The following PTK6 variants were observed in gnomAD, a reference collection of about 807,000 sequenced individuals.
The protein encoded by PTK6 is protein tyrosine kinase 6, also known as protein-tyrosine kinase 6.
Under a neutral mutation model 47.5 loss-of-function variants are expected in PTK6, and 47 were observed. That is an observed-to-expected ratio of 0.99 (90% CI 0.78 to 1.26). PTK6 has a LOEUF of 1.26. Among genes scored for constraint, PTK6 ranks in the 50% most tolerant of loss-of-function variants. PTK6 has a pLI of 0.00. For synonymous variants in PTK6, 287 were observed against 276.5 expected (o/e 1.04, Z -0.38); for missense variants, 618 against 625.3 (o/e 0.99, Z 0.12).
rs1231461563 is a variant in PTK6 at position 63,533,128 on chromosome 20, C to T, written c.670+423G>A. ...TGTCGCCCAGGCTGGAGTGCAATGGCGCGATCTCAGCTCACTGCAATCTCC... is the reference window on the plus strand; with the variant it reads ...TGTCGCCCAGGCTGGAGTGCAATGGTGCGATCTCAGCTCACTGCAATCTCC... On this transcript the variant is annotated intron_variant, in intron 4 of 7. Transcript: ENST00000542869. This position sits in a 1 kb window ranked among gnomAD's most constrained non-coding sequence, Gnocchi z 4.0. 7.9e-5 allele frequency among the ~76,000 whole-genome samples: 12 copies of T among 151,154 alleles called. No individual in the cohort carries two copies. The highest frequency in any genetic ancestry group is 2.6e-4 in the Admixed American group (4 of 15,182).
In PTK6 at chr20:63,530,883, C is replaced by A. The variant is rs751512181; in HGVS notation, c.877G>T (p.Ala293Ser). 2.5e-6 allele frequency: 4 copies of A among 1,613,478 alleles called. No individual in the cohort carries two copies. The highest frequency in any genetic ancestry group is 3.4e-6 in the Non-Finnish European group (4 of 1,179,844). The change falls in exon 6 of 8, where the codon GCC becomes TCC. Residue 293 changes from alanine (A) to serine (S), a missense_variant. By Grantham distance (99) the Ala-to-Ser change is moderately conservative (BLOSUM62 1). Transcript: ENST00000542869. This position sits in a 1 kb window ranked among gnomAD's most constrained non-coding sequence, Gnocchi z 4.1. ...VLPVSELLDI[A>S]WQVAEGMCYL... is the part of the protein sequence containing the mutation. ...CACATGCCCTCAGCCACCTGCCAGG[C>A]GATGTCCAGCAGCTCCGAAACGGGC...
chr20:63,531,432 AAAAAAATAT>A lies in PTK6; in HGVS notation c.833-514_833-506del, dbSNP rs1462605434. 7.9e-3 allele frequency among the ~76,000 whole-genome samples: 917 copies of A among 116,724 alleles called. 9 individuals carry two copies. Among genetic ancestry groups the A allele is most frequent in the African/African-American group, 0.034 (733 of 21,614 alleles). 76.6% of individuals were successfully genotyped at this position (116,724 alleles called of 152,430 possible). A position where few individuals can be genotyped will look rare whatever the true frequency, so the allele number is the denominator to read the frequency against. On this transcript the variant is annotated intron_variant, in intron 5 of 7. Coordinates refer to ENST00000542869, the MANE Select transcript of PTK6 (RefSeq NM_005975.4). ...CCAGACTCCGTCTCAAAAAAAAAAAAAAAAAATATATATATATATATATATATATATAAT... is the reference window on the plus strand; with the variant it reads ...CCAGACTCCGTCTCAAAAAAAAAAAAATATATATATATATATATATATAAT...
chr20:63,536,245 C>A (rs2082666662), intron 1 of PTK6, among the ~76,000 whole-genome samples: 1 of 126,200 alleles, frequency 7.9e-6, no homozygotes, highest in South Asian at 2.9e-4. Flanking sequence ...GGTCTTTGCA[C>A]CTGGGAGCTG....
At chr20:63,534,095 C>A (rs1044812986) in intron 3 of PTK6, 57 bp downstream of exon 3, 1 of 1,478,164 alleles carries the variant, frequency 6.8e-7, no homozygotes. Context: ...GTAGGAAATG[C>A]CAGCCTGTGA....
rs186986345 is a variant in PTK6, at chr20:63,529,260, C to T, written c.*276G>A. 2.6e-3 allele frequency: 873 copies of T among 338,444 alleles called. 8 individuals are homozygous for T. In the Middle Eastern group the frequency reaches 0.032, roughly 12 times the overall value. 21.0% of individuals were successfully genotyped at this position (338,444 alleles called of 1,614,324 possible). On this transcript the variant is annotated 3_prime_UTR_variant, in exon 8 of 8. Transcript: ENST00000542869. This position sits in a 1 kb window ranked among gnomAD's most constrained non-coding sequence, Gnocchi z 5.6. The stretch of plus-strand genomic sequence containing the variant: ...AGAGAGCGGGCTGTGGTCAGAGTCC[C>T]CTCTGACCTCTGCTGGCTTCGTGTC...
chr20:63,534,378 C>T, intron 2 of PTK6, 63 bp from the exon 3 acceptor site: 5 of 1,498,254 alleles, frequency 3.3e-6, no homozygotes, highest in Non-Finnish European at 3.6e-6. Flanking sequence ...CGTCCCCAGC[C>T]CTGCTGGCCA....
Position 63,529,760 on chromosome 20 carries a change from C to A in PTK6, c.1169-37G>T. On this transcript the variant is annotated intron_variant, in intron 7 of 7. Coordinates refer to ENST00000542869, the MANE Select transcript of PTK6 (RefSeq NM_005975.4). The surrounding 1 kb of genome is among the most constrained non-coding windows in gnomAD (Gnocchi z 5.6). The stretch of plus-strand genomic sequence containing the variant: ...AGGGATGAGAAGAGCTGGGGCCCAC[C>A]TGCCTACCCTCCCCCAAGAAGCCAC... 1 of 1,501,648 alleles carries A rather than the reference C, an allele frequency of 6.7e-7. No individual in the cohort carries two copies. Among genetic ancestry groups the A allele is most frequent in the Non-Finnish European group, 8.9e-7 (1 of 1,123,066 alleles). 93.0% of individuals were successfully genotyped at this position (1,501,648 alleles called of 1,614,324 possible).
intron 1 of PTK6, 142 bp from the exon 2 acceptor site, chr20:63,535,201 G>C (rs1042319524): frequency 1.6e-6 from 2 of 1,246,934 alleles, no homozygotes; most frequent in Non-Finnish European, 2.1e-6. Flanking sequence ...CTGCTCTCAG[G>C]AGCTGTCGCT....
chr20:63,533,882 A>G lies in PTK6; in HGVS notation c.517-178T>C, dbSNP rs1408591875. On this transcript the variant is annotated intron_variant, in intron 3 of 7. Coordinates refer to ENST00000542869, the MANE Select transcript of PTK6 (RefSeq NM_005975.4). This position sits in a 1 kb window ranked among gnomAD's most constrained non-coding sequence, Gnocchi z 4.0. The stretch of plus-strand genomic sequence containing the variant: ...TCCTGGGGGCTGCCCCCAGCCCAGC[A>G]TGAAACACCCAGACAGACCGGAGCC... Among the ~76,000 whole-genome samples the G allele has an allele frequency of 1.3e-5, 2 of 152,068 alleles. No individual in the cohort carries two copies. Among genetic ancestry groups the G allele is most frequent in the African/African-American group, 4.8e-5 (2 of 41,414 alleles).
Position 63,528,171 on chromosome 20 carries a change from C to T in PTK6, c.*1365G>A, listed in dbSNP as rs1253802044. The T allele has an allele frequency of 2.0e-5, 3 of 152,140 alleles. No homozygotes were observed. The highest frequency in any genetic ancestry group is 2.9e-5 in the Non-Finnish European group (2 of 68,026). The allele number at this position is 152,140 out of a possible 1,614,324, so 9.4% of individuals were successfully genotyped here. On this transcript the variant is annotated 3_prime_UTR_variant, in exon 8 of 8. Transcript: ENST00000542869. ...GGATATATATCATAGGATAACGTATCAGATTTCTAGGAATTTTATAGAGTT... is the reference window on the plus strand; with the variant it reads ...GGATATATATCATAGGATAACGTATTAGATTTCTAGGAATTTTATAGAGTT...
At chr20:63,536,848 GC>G (rs1436790384) in intron 1 of PTK6, among the ~76,000 whole-genome samples, 1 of 152,216 alleles carries the variant, frequency 6.6e-6, no homozygotes, top group Non-Finnish European at 1.5e-5. Flanking sequence ...CAGGGGCCGT[GC>G]CCTCTGACCC....
chr20:63,531,148 G>A (rs946072516), intron 5 of PTK6, among the ~76,000 whole-genome samples: 2 of 152,270 alleles, frequency 1.3e-5, no homozygotes, highest in East Asian at 3.9e-4. Context: ...CAAGCTGGGC[G>A]TGGTGGCTCA....
Position 63,534,000 on chromosome 20 carries a change from C to T in PTK6, c.516+152G>A. The T allele has an allele frequency of 3.3e-6, 4 of 1,196,606 alleles. No individual in the cohort carries two copies. Among genetic ancestry groups the T allele is most frequent in the Non-Finnish European group, 4.5e-6 (4 of 882,792 alleles). 74.1% of individuals were successfully genotyped at this position (1,196,606 alleles called of 1,614,324 possible). On this transcript the variant is annotated intron_variant, in intron 3 of 7. Coordinates refer to ENST00000542869, the MANE Select transcript of PTK6 (RefSeq NM_005975.4). The surrounding 1 kb of genome is among the most constrained non-coding windows in gnomAD (Gnocchi z 4.0). ...CCCCCAACTCAGGCAAACACCTGTGCTCTGCAGAACCATGGGCTTCCCTCC... is the reference window on the plus strand; with the variant it reads ...CCCCCAACTCAGGCAAACACCTGTGTTCTGCAGAACCATGGGCTTCCCTCC...
Position 63,532,615 on chromosome 20 carries a change from A to G in PTK6, c.743T>C (p.Leu248Pro). 1 of 1,614,114 alleles carries G rather than the reference A, an allele frequency of 6.2e-7. No homozygotes were observed. The highest frequency in any genetic ancestry group is 1.1e-5 in the South Asian group (1 of 91,092). Residue 248 changes from leucine (L) to proline (P), a missense_variant, in exon 5 of 8, where the codon CTG becomes CCG. Coordinates refer to ENST00000542869, the MANE Select transcript of PTK6 (RefSeq NM_005975.4). Reference protein sequence around the residue: ...AMKKLRHKHILALYAVVSVGD... With the variant: ...AMKKLRHKHIPALYAVVSVGD... Reference sequence around the variant, plus strand: ...CACGGACACCACGGCGTACAGCGCCAGGATGTGTTTGTGCCGCAGCTTCTT... The same window carrying G: ...CACGGACACCACGGCGTACAGCGCCGGGATGTGTTTGTGCCGCAGCTTCTT...
rs1191821607 is a variant in PTK6 at position 63,528,073 on chromosome 20, A to G, written c.*1463T>C. 1 of 152,292 alleles carries G rather than the reference A, an allele frequency of 6.6e-6. No individual in the cohort carries two copies. Among genetic ancestry groups the G allele is most frequent in the Non-Finnish European group, 1.5e-5 (1 of 68,052 alleles). The allele number at this position is 152,292 out of a possible 1,614,324, so 9.4% of individuals were successfully genotyped here. On this transcript the variant is annotated 3_prime_UTR_variant, in exon 8 of 8. Coordinates refer to ENST00000542869, the MANE Select transcript of PTK6 (RefSeq NM_005975.4). ...AAACTTGGTTATTTCTGTGGCATGC[A>G]GCATTTTAATGTAATAACCAAAATT...
rs1387271271 is a variant in PTK6 at position 63,533,054 on chromosome 20, T to G, written c.671-367A>C. Among the ~76,000 whole-genome samples the G allele has an allele frequency of 6.6e-6, 1 of 151,570 alleles. No individual in the cohort carries two copies. The highest frequency in any genetic ancestry group is 1.5e-5 in the Non-Finnish European group (1 of 67,974). On this transcript the variant is annotated intron_variant, in intron 4 of 7. Transcript: ENST00000542869. The surrounding 1 kb of genome is among the most constrained non-coding windows in gnomAD (Gnocchi z 4.0). ...TTTCCATTACGTCAAGGATTTTAAA[T>G]TTTCTTTCTTTCTTTCTTTTTTTTT...
rs6011882 is a variant in PTK6 at position 63,533,782 on chromosome 20, G to A, written c.517-78C>T. On this transcript the variant is annotated intron_variant, in intron 3 of 7. Coordinates refer to ENST00000542869, the MANE Select transcript of PTK6 (RefSeq NM_005975.4). This position sits in a 1 kb window ranked among gnomAD's most constrained non-coding sequence, Gnocchi z 4.0. ...AGTCTGAAGCCAGCACAGGGAGCCT[G>A]GATTTAGCCTCAGATTTAGGGCCAC... 40,323 of 1,523,570 alleles carry A rather than the reference G, an allele frequency of 0.026. 7,458 individuals are homozygous for A. In the African/African-American group the frequency reaches 0.45, roughly 17 times the overall value. 94.4% of individuals were successfully genotyped at this position (1,523,570 alleles called of 1,614,324 possible).
intron 5 of PTK6, among the ~76,000 whole-genome samples, chr20:63,532,238 GTCTC>G (rs2082627888): frequency 6.8e-6 from 1 of 147,502 alleles, no homozygotes; most frequent in Admixed American, 6.6e-5. Flanking sequence ...TGTTTTGTGT[GTCTC>G]TGTGTGTGTG....
chr20:63,534,099 C>T (rs1481149724), intron 3 of PTK6, 53 bp downstream of exon 3: 1 of 1,482,108 alleles, frequency 6.7e-7, no homozygotes, highest in Admixed American at 2.2e-5. Context: ...GAAATGCCAG[C>T]CTGTGACCCC....
Sources: gnomAD v4.1 joint callset for allele counts (sites outside exome capture counted in the v4.1 genomes callset) on GRCh38, gnomAD v4.1.1 for gene constraint, Gnocchi (gnomAD v3.1) non-coding constraint, MANE v1.5 for transcripts, NCBI Gene and HGNC (gene_info 2026-07-23, HGNC 2026-07-21) for gene names.